The following TMC1 variants were observed in gnomAD, a reference collection of about 807,000 sequenced individuals.
TMC1 encodes the protein transmembrane channel-like protein 1.
TMC1 carries 84 observed loss-of-function variants against 105.8 expected under a neutral mutation model. The ratio of observed to expected loss-of-function variants is 0.79; its 90% CI spans 0.67 to 0.95. The LOEUF is 0.95. Ranked by LOEUF, TMC1 falls within the 40% of genes least tolerant of loss-of-function variation. The pLI, the probability that TMC1 is intolerant of heterozygous loss-of-function variation, is 0.00. For synonymous variants in TMC1, 315 were observed against 311.5 expected, an observed-to-expected ratio of 1.01 and a Z score of -0.12; for missense variants, 817 against 914.1, an observed-to-expected ratio of 0.89 and a Z score of 1.37.
rs190083140 is a variant in TMC1, at chr9:72,622,356, C to T, written c.-195-5565C>T. Among the ~76,000 whole-genome samples, 17 of 152,254 alleles carry T rather than the reference C, an allele frequency of 1.1e-4. No individual in the cohort carries two copies. In the East Asian group the frequency reaches 1.5e-3, roughly 14 times the overall value. ...ATCAATGCCAGCCTTTGCACTCAGT[C>T]GTTTCTTTGTTCCTGCAGGCTGCCT... is the stretch of plus-strand genomic sequence containing the variant. On this transcript the variant is annotated intron_variant, in intron 3 of 23. Transcript: ENST00000297784.
intron 1 of TMC1, among the ~76,000 whole-genome samples, chr9:72,555,327 A>ATGGGACTACTTGGGTAGTCCCCAAGTAGG (rs2132074614): frequency 6.7e-6 from 1 of 149,148 alleles, no homozygotes; most frequent in South Asian, 2.1e-4. Flanking sequence ...TCCCAAGTAG[A>ATGGGACTACTTGGGTAGTCCCCAAGTAGG]TGGGACTACC....
At chr9:72,562,008 TAAAAA>T (rs11367909) in intron 1 of TMC1, among the ~76,000 whole-genome samples, 1 of 144,528 alleles carries the variant, frequency 6.9e-6, no homozygotes, top group Non-Finnish European at 1.5e-5. Context: ...ATCCTATCTC[TAAAAA>T]AAAAAAAAAA....
At chr9:72,803,644 C>G (rs753075180) in intron 17 of TMC1, among the ~76,000 whole-genome samples, 1 of 152,198 alleles carries the variant, frequency 6.6e-6, no homozygotes, top group Non-Finnish European at 1.5e-5. Context: ...CTCAACATCA[C>G]TGATGATTAG....
chr9:72,601,323 T>C (rs917175681), intron 2 of TMC1, among the ~76,000 whole-genome samples: 1 of 151,720 alleles, frequency 6.6e-6, no homozygotes, highest in Non-Finnish European at 1.5e-5. Context: ...CTGGGCCACA[T>C]AGTGAGACCC....
At chr9:72,538,396 T>G (rs1315003682) in intron 1 of TMC1, among the ~76,000 whole-genome samples, 2 of 117,166 alleles carry the variant, frequency 1.7e-5, no homozygotes, top group African/African-American at 7.3e-5. Flanking sequence ...ATAAAATACT[T>G]GTATTGTATT....
chr9:72,695,896 T>C (rs1826542176), intron 7 of TMC1, among the ~76,000 whole-genome samples: 1 of 152,194 alleles, frequency 6.6e-6, no homozygotes, highest in Admixed American at 6.5e-5. Context: ...TATATCTGCT[T>C]TTAAAGTTTC....
chr9:72,552,159 T>TA (rs1028058238), intron 1 of TMC1, among the ~76,000 whole-genome samples: 2 of 152,162 alleles, frequency 1.3e-5, no homozygotes, highest in African/African-American at 2.4e-5. Context: ...TCCTGGTCCA[T>TA]AATAACCCAA....
At chr9:72,760,644 C>G (rs890148437) in intron 12 of TMC1, among the ~76,000 whole-genome samples, 5 of 152,044 alleles carry the variant, frequency 3.3e-5, no homozygotes, top group Non-Finnish European at 7.4e-5. Flanking sequence ...GATCAGCTGA[C>G]CTTGGACAGA....
chr9:72,754,997 C>T (rs551661495), intron 12 of TMC1, 113 bp downstream of exon 12: 11 of 513,782 alleles, frequency 2.1e-5, no homozygotes, highest in Admixed American at 9.5e-5. Flanking sequence ...TTAAGAAAGA[C>T]GTCCCTGCTC....
In TMC1 at chr9:72,835,971, TA is replaced by T; in HGVS notation, c.2283del (p.Ter761TyrfsTer40). On this transcript the variant is annotated frameshift_variant and stop_lost, in exon 24 of 24. Coordinates refer to ENST00000297784, the MANE Select transcript of TMC1 (RefSeq NM_138691.3). LOFTEE classifies it high-confidence loss of function. ...AACAGCTGCAGCTGCTGGTCGCCAG[TA>T]ATAAGTATCCTGAGAGCCCAGAAAA... ...ARAAAAAGRQ[*>X] 6.3e-7 allele frequency: 1 copy of T among 1,582,642 alleles called. No homozygotes were observed. Among genetic ancestry groups the T allele is most frequent in the Non-Finnish European group, 8.6e-7 (1 of 1,163,798 alleles).
intron 1 of TMC1, among the ~76,000 whole-genome samples, chr9:72,538,557 C>T (rs1823625011): frequency 6.6e-6 from 1 of 152,140 alleles, no homozygotes; most frequent in African/African-American, 2.4e-5. Flanking sequence ...CTGCATCAGC[C>T]TCCTATGTAG....
At chr9:72,666,817 AG>A (rs1826050734) in intron 5 of TMC1, among the ~76,000 whole-genome samples, 2 of 152,126 alleles carry the variant, frequency 1.3e-5, no homozygotes, top group South Asian at 4.1e-4. Flanking sequence ...TGGAAGACTG[AG>A]GTGGGAGGAT....
chr9:72,705,163 C>T (rs990110137), intron 8 of TMC1, among the ~76,000 whole-genome samples: 3 of 152,120 alleles, frequency 2.0e-5, no homozygotes, highest in African/African-American at 4.8e-5. Context: ...GCAGCCACCA[C>T]AAGTGAAATA....
chr9:72,594,869 CTTT>C (rs141277773), intron 2 of TMC1, among the ~76,000 whole-genome samples: 1 of 143,782 alleles, frequency 7.0e-6, no homozygotes. Flanking sequence ...TCTTCTTCTT[CTTT>C]TTTTTTTTTT....
intron 18 of TMC1, among the ~76,000 whole-genome samples, chr9:72,809,655 T>A (rs1021947941): frequency 2.0e-5 from 3 of 152,256 alleles, no homozygotes; most frequent in African/African-American, 4.8e-5. Context: ...TTGTTTGGTA[T>A]GCCCAGTGGT....
intron 2 of TMC1, among the ~76,000 whole-genome samples, chr9:72,581,560 A>G (rs1178589060): frequency 6.6e-6 from 1 of 152,238 alleles, no homozygotes; most frequent in East Asian, 1.9e-4. Flanking sequence ...TACTAAAAGA[A>G]GAATTACAGT....
intron 8 of TMC1, among the ~76,000 whole-genome samples, chr9:72,706,927 A>G (rs1826751721): frequency 6.6e-6 from 1 of 152,070 alleles, no homozygotes; most frequent in Non-Finnish European, 1.5e-5. Context: ...GGCATGTGCC[A>G]CAACACCCAG....
intron 2 of TMC1, among the ~76,000 whole-genome samples, chr9:72,609,106 A>C (rs1824977389): frequency 2.1e-5 from 3 of 143,126 alleles, no homozygotes; most frequent in Admixed American, 7.0e-5. Flanking sequence ...TCCATCTCAC[A>C]CCTCCCTCTC....
In TMC1 at chr9:72,791,936, C is replaced by T. The variant is rs765507648; in HGVS notation, c.1275C>T (p.Asp425=). The part of the protein sequence containing the change: ...LLGMFCPTLF[D]LFAELEDYHP... The stretch of plus-strand genomic sequence containing the variant: ...GGATGTTCTGTCCAACATTGTTTGA[C>T]TTATTTGCTGAATTAGAAGACTACC... The change falls in exon 16 of 24, where the codon GAC becomes GAT. Residue 425 remains aspartate, a synonymous_variant. Transcript: ENST00000297784. 4.3e-6 allele frequency: 7 copies of T among 1,613,656 alleles called. No individual in the cohort carries two copies. The highest frequency in any genetic ancestry group is 5.1e-6 in the Non-Finnish European group (6 of 1,179,934).
Sources: gnomAD v4.1 joint callset for allele counts (sites outside exome capture counted in the v4.1 genomes callset) on GRCh38, gnomAD v4.1.1 for gene constraint, MANE v1.5 for transcripts, NCBI Gene and HGNC (gene_info 2026-07-23, HGNC 2026-07-21) for gene names.